The following SLC4A1AP variants were observed in gnomAD, a reference collection of about 807,000 sequenced individuals.
SLC4A1AP encodes the protein kanadaptin.
Under a neutral mutation model 89.7 loss-of-function variants are expected in SLC4A1AP, and 64 were observed. The observed-to-expected ratio is 0.71, with a 90% CI of 0.58 to 0.88. The LOEUF is 0.88. SLC4A1AP is among the 40% of genes least tolerant of loss of function. The pLI, the probability that SLC4A1AP is intolerant of heterozygous loss-of-function variation, is 0.00. For synonymous variants in SLC4A1AP, 366 were observed against 353.3 expected, an observed-to-expected ratio of 1.04 and a Z score of -0.40; for missense variants, 931 against 965.0, an observed-to-expected ratio of 0.96 and a Z score of 0.47.
chr2:27,665,314 T>C lies in SLC4A1AP; in HGVS notation c.1021+19T>C. The C allele has an allele frequency of 1.3e-6, 2 of 1,570,644 alleles. No individual in the cohort carries two copies. Among genetic ancestry groups the C allele is most frequent in the Non-Finnish European group, 1.7e-6 (2 of 1,160,136 alleles). ...GGAATGGGTAAGAAATTAAAATTGCTGCCGGAGGTTAATATTTTAAGTTCA... is the reference window on the plus strand; with the variant it reads ...GGAATGGGTAAGAAATTAAAATTGCCGCCGGAGGTTAATATTTTAAGTTCA... On this transcript the variant is annotated intron_variant, in intron 2 of 13. Transcript: ENST00000613058.
At position 27,675,687 on chromosome 2, in the gene SLC4A1AP, T is replaced by A. The variant is rs145656495; in HGVS notation, c.1501T>A (p.Ser501Thr). ...TGATGAGAAGCCAGAGACCTTTGAA[T>A]CATTGGCAAGTTTTATTTATGGAAG... Residue 501 changes from serine (S) to threonine (T), a missense_variant, in exon 6 of 14, where the codon TCA (serine) becomes ACA (threonine). Coordinates refer to ENST00000613058, the Ensembl canonical transcript of SLC4A1AP. 2.0e-4 allele frequency: 314 copies of A among 1,568,980 alleles called. 3 individuals carry two copies. The African/African-American group carries it at 3.7e-3, about 18-fold the overall frequency.
chr2:27,671,174 G>T (rs543925317), intron 5 of SLC4A1AP, among the ~76,000 whole-genome samples: 168 of 152,096 alleles, frequency 1.1e-3, no homozygotes, highest in Middle Eastern at 6.8e-3. Context: ...GCCTGCCTTG[G>T]CCTCCCAAAG....
chr2:27,676,610 T>A (rs1572992310), intron 6 of SLC4A1AP, among the ~76,000 whole-genome samples: 2 of 148,422 alleles, frequency 1.3e-5, no homozygotes, highest in East Asian at 4.0e-4. Flanking sequence ...TCACCTGAGG[T>A]CAGGAGTTCG....
chr2:27,673,295 A>C (rs1675456092), intron 5 of SLC4A1AP, among the ~76,000 whole-genome samples: 1 of 141,556 alleles, frequency 7.1e-6, no homozygotes, highest in South Asian at 2.3e-4. Flanking sequence ...GGTCTTTATG[A>C]ATTTCTTTCT....
In SLC4A1AP at chr2:27,677,720, T is replaced by G. The variant is rs1201527025; in HGVS notation, c.1577-18T>G. On this transcript the variant is annotated intron_variant, in intron 7 of 13. Transcript: ENST00000613058. ...CAGGATCATCTTTCTAAACATGTGT[T>G]ATTCTTTTCTTGGACAGTTCTATCA... 6.4e-7 allele frequency: 1 copy of G among 1,560,846 alleles called. No individual in the cohort carries two copies. Among genetic ancestry groups the G allele is most frequent in the East Asian group, 2.3e-5 (1 of 44,216 alleles).
intron 6 of SLC4A1AP, among the ~76,000 whole-genome samples, chr2:27,676,161 G>A (rs757803189): frequency 1.9e-4 from 29 of 152,112 alleles, no homozygotes; most frequent in Non-Finnish European, 3.4e-4. Flanking sequence ...GCAGGTAATA[G>A]GCTACCTATT....
Position 27,664,154 on chromosome 2 carries a change from G to A in SLC4A1AP, c.402G>A (p.Glu134=), listed in dbSNP as rs370889757. 13 of 1,614,088 alleles carry A rather than the reference G, an allele frequency of 8.1e-6. No individual in the cohort carries two copies. The African/African-American group carries it at 1.6e-4, about 20-fold the overall frequency. Reference sequence around the variant, plus strand: ...GTGATTTTAGGAGTCTACAGGAGGAGCAGTCGCGCCCCCCGACAGCGGTTT... The same window carrying A: ...GTGATTTTAGGAGTCTACAGGAGGAACAGTCGCGCCCCCCGACAGCGGTTT... Residue 134 remains glutamate, a synonymous_variant, in exon 1 of 14, where the codon GAG becomes GAA. Coordinates refer to ENST00000613058, the Ensembl canonical transcript of SLC4A1AP.
chr2:27,685,243 A>C, exon 10 of SLC4A1AP: 2 of 1,613,338 alleles, frequency 1.2e-6, no homozygotes, highest in Non-Finnish European at 8.5e-7. Flanking sequence ...GGCCTCCCAC[A>C]GATCTCACAC....
intron 5 of SLC4A1AP, 36 bp from the exon 6 acceptor site, chr2:27,675,496 A>T (rs1173723146): frequency 6.2e-6 from 9 of 1,460,270 alleles, no homozygotes; most frequent in Non-Finnish European, 8.3e-6. Flanking sequence ...TTTCTTTTTT[A>T]AAAACTTATT....
chr2:27,687,084 G>A (rs926732107), intron 10 of SLC4A1AP, among the ~76,000 whole-genome samples: 7 of 151,974 alleles, frequency 4.6e-5, no homozygotes, highest in African/African-American at 1.2e-4. Flanking sequence ...GATTATAGGC[G>A]TAAGCCACCA....
chr2:27,686,613 A>C (rs540723286), intron 10 of SLC4A1AP, among the ~76,000 whole-genome samples: 93 of 152,194 alleles, frequency 6.1e-4, no homozygotes, highest in African/African-American at 2.1e-3. Flanking sequence ...AAAAATACAG[A>C]AAAAATTAGT....
intron 9 of SLC4A1AP, among the ~76,000 whole-genome samples, chr2:27,683,343 T>C (rs1308660358): frequency 1.3e-5 from 2 of 152,222 alleles, no homozygotes; most frequent in Non-Finnish European, 2.9e-5. Flanking sequence ...ATTAGTTTGC[T>C]AGGGCCACCA....
At chr2:27,668,898 G>C (rs370715533) in exon 4 of SLC4A1AP, 45 of 1,613,676 alleles carry the variant, frequency 2.8e-5, no homozygotes, top group Non-Finnish European at 3.2e-5. Context: ...GGCTCTGCAG[G>C]GTGAGGTATG....
At chr2:27,685,353 G>T (rs1675688685) in intron 10 of SLC4A1AP, 76 bp downstream of exon 10, 13 of 1,524,950 alleles carry the variant, frequency 8.5e-6, no homozygotes, top group Middle Eastern at 3.6e-4. Context: ...AAAAAGCAAG[G>T]CCAGTTCTTG....
chr2:27,665,118 G>A (rs758212357), exon 2 of SLC4A1AP: 4 of 1,611,846 alleles, frequency 2.5e-6, no homozygotes, highest in Non-Finnish European at 3.4e-6. Flanking sequence ...GGAAGACCGA[G>A]AGGCAGAATC....
chr2:27,666,352 A>ACCCCC (rs1215773185), intron 2 of SLC4A1AP, among the ~76,000 whole-genome samples: 1 of 3,418 alleles, frequency 2.9e-4, no homozygotes, highest in African/African-American at 6.0e-4. Flanking sequence ...CTTGTGATCC[A>ACCCCC]CCCCCCACCC....
At chr2:27,670,896 A>G (rs1675416641) in intron 5 of SLC4A1AP, among the ~76,000 whole-genome samples, 1 of 150,466 alleles carries the variant, frequency 6.6e-6, no homozygotes, top group African/African-American at 2.4e-5. Context: ...AAAAAAAACA[A>G]CAAACACCTG....
Position 27,663,938 on chromosome 2 carries a change from A to G in SLC4A1AP, c.186A>G (p.Ser62=), listed in dbSNP as rs763089177. 2.5e-6 allele frequency: 4 copies of G among 1,614,160 alleles called. No homozygotes were observed. In the Admixed American group the frequency reaches 5.0e-5, roughly 20 times the overall value. ...GGATGGCTGACATTCTCTCTCAGTCAGAGACCCTGGCGTCGCAAGACCTCA... is the reference window on the plus strand; with the variant it reads ...GGATGGCTGACATTCTCTCTCAGTCGGAGACCCTGGCGTCGCAAGACCTCA... The change falls in exon 1 of 14, where the codon TCA becomes TCG. Residue 62 remains serine, a synonymous_variant. Transcript: ENST00000613058.
exon 10 of SLC4A1AP, chr2:27,685,171 G>T: frequency 6.2e-7 from 1 of 1,614,148 alleles, no homozygotes; most frequent in Non-Finnish European, 8.5e-7. Context: ...AAAAACTGGA[G>T]GATGGAAGCC....
Sources: allele counts gnomAD v4.1 joint callset (sites outside exome capture counted in the v4.1 genomes callset), GRCh38; gene constraint gnomAD v4.1.1; transcripts MANE v1.5; gene names NCBI Gene and HGNC (gene_info 2026-07-23, HGNC 2026-07-21).